PTPRG: variants seen among roughly 807,000 people sequenced by gnomAD.
PTPRG encodes the protein receptor-type tyrosine-protein phosphatase gamma.
In PTPRG, 102 loss-of-function variants were observed where a neutral mutation model predicts 165.3. The observed-to-expected ratio is 0.62, with a 90% confidence interval of 0.53 to 0.73. The LOEUF is 0.73. PTPRG is among the 30% of genes least tolerant of loss of function. The pLI is 0.00. For missense variants in PTPRG, 1,866 were observed against 1,861.4 expected, an observed-to-expected ratio of 1.00 and a Z score of -0.05; for synonymous variants, 675 against 669.5, an observed-to-expected ratio of 1.01 and a Z score of -0.13.
At chr3:61,909,627 T>C (rs1244157757) in intron 2 of PTPRG, among the ~76,000 whole-genome samples, 1 of 151,960 alleles carries the variant, frequency 6.6e-6, no homozygotes, top group Non-Finnish European at 1.5e-5. Context: ...CTCAAGCAGT[T>C]ATCTTGCCTC....
chr3:62,275,881 A>T lies in PTPRG; in HGVS notation c.3474A>T (p.Thr1158=). ...TGTTTTTTCTTTTTCAGCTGGTCAC[A>T]CAGTGTAATGCAAAATATGTGGAAT... The part of the protein sequence containing the change: ...TRLEKQFKLV[T]QCNAKYVECF... The change falls in exon 24 of 30, where the codon ACA becomes ACT. Residue 1158 remains threonine (T), a synonymous_variant. Coordinates refer to ENST00000474889, the MANE Select transcript of PTPRG (RefSeq NM_002841.4). 6.2e-7 allele frequency: 1 copy of T among 1,607,020 alleles called. No homozygotes were observed. Among genetic ancestry groups the T allele is most frequent in the African/African-American group, 1.3e-5 (1 of 74,748 alleles).
In PTPRG at chr3:61,719,713, T is replaced by C. The variant is rs76068606; in HGVS notation, c.86-29165T>C. 7.1e-3 allele frequency among the ~76,000 whole-genome samples: 1,074 copies of C among 152,318 alleles called. 17 individuals carry two copies. The highest frequency in any genetic ancestry group is 0.03 in the South Asian group (143 of 4,824). On this transcript the variant is annotated intron_variant, in intron 1 of 29. Coordinates refer to ENST00000474889, the MANE Select transcript of PTPRG (RefSeq NM_002841.4). The stretch of plus-strand genomic sequence containing the variant: ...CTGAAGTCTCTCTGAATTGAGGCCA[T>C]GTGTGGTTGGGGTTTGGAAAAGCAG...
At position 61,817,873 on chromosome 3, in the gene PTPRG, C is replaced by T. The variant is rs114085744; in HGVS notation, c.190+68891C>T. On this transcript the variant is annotated intron_variant, in intron 2 of 29. Coordinates refer to ENST00000474889, the MANE Select transcript of PTPRG (RefSeq NM_002841.4). ...CATTTTCCAAACTAATAACCTGAATCTGCCTTCTAAGGTAAAACTTGCAAG... is the reference window on the plus strand; with the variant it reads ...CATTTTCCAAACTAATAACCTGAATTTGCCTTCTAAGGTAAAACTTGCAAG... Among the ~76,000 whole-genome samples, 1,173 of 152,236 alleles carry T rather than the reference C, an allele frequency of 7.7e-3. 9 individuals carry two copies. The highest frequency in any genetic ancestry group is 0.011 in the Non-Finnish European group (772 of 68,018).
At chr3:61,956,472 T>A (rs536082137) in intron 2 of PTPRG, among the ~76,000 whole-genome samples, 1 of 152,270 alleles carries the variant, frequency 6.6e-6, no homozygotes, top group Admixed American at 6.5e-5. Flanking sequence ...AAAAAATATT[T>A]AATGTGGATC....
At chr3:62,173,852 C>T (rs1483502395) in intron 8 of PTPRG, among the ~76,000 whole-genome samples, 4 of 152,318 alleles carry the variant, frequency 2.6e-5, no homozygotes, top group East Asian at 1.9e-4. Context: ...ATAGAGAATA[C>T]AGAATCCAGC....
chr3:62,051,130 G>A (rs145774701), intron 4 of PTPRG, among the ~76,000 whole-genome samples: 1 of 152,170 alleles, frequency 6.6e-6, no homozygotes, highest in Non-Finnish European at 1.5e-5. Context: ...AGGTTTCCTG[G>A]TCTACCTCAT....
chr3:62,028,583 G>T (rs1699652051), intron 4 of PTPRG, among the ~76,000 whole-genome samples: 1 of 152,166 alleles, frequency 6.6e-6, no homozygotes, highest in African/African-American at 2.4e-5. Context: ...TTGCATGTTG[G>T]CCATCAAGGA....
At chr3:61,754,285 G>T (rs1217537295) in intron 2 of PTPRG, among the ~76,000 whole-genome samples, 2 of 152,170 alleles carry the variant, frequency 1.3e-5, no homozygotes, top group African/African-American at 4.8e-5. Flanking sequence ...AAATGGAGAT[G>T]GCTTTGAGGA....
At chr3:62,215,310 C>G (rs1700469605) in intron 12 of PTPRG, among the ~76,000 whole-genome samples, 1 of 152,224 alleles carries the variant, frequency 6.6e-6, no homozygotes, top group African/African-American at 2.4e-5. Flanking sequence ...TCAACTTTAT[C>G]ATGCCCCACA....
rs148326513 is a variant in PTPRG at position 62,047,493 on chromosome 3, C to T, written c.520-30670C>T. Reference sequence around the variant, plus strand: ...GCCAGGTTAGTGTCGATCTCCTGACCTCAGGTGATCTGCCCTCCCCAGCCT... The same window carrying T: ...GCCAGGTTAGTGTCGATCTCCTGACTTCAGGTGATCTGCCCTCCCCAGCCT... On this transcript the variant is annotated intron_variant, in intron 4 of 29. Transcript: ENST00000474889. 4.3e-4 allele frequency among the ~76,000 whole-genome samples: 65 copies of T among 151,730 alleles called. 1 individual carries two copies. The East Asian group carries it at 0.011, about 26-fold the overall frequency.
rs1701162798 is a variant in PTPRG, at chr3:61,611,381, T to G, written c.85+49009T>G. On this transcript the variant is annotated intron_variant, in intron 1 of 29. Coordinates refer to ENST00000474889, the MANE Select transcript of PTPRG (RefSeq NM_002841.4). ...CAAGCACAGTGCCTTTCTCATCATT[T>G]TAATTTTCATTTTTTTCCCACTCAA... is the stretch of plus-strand genomic sequence containing the variant. Among the ~76,000 whole-genome samples the G allele has an allele frequency of 2.0e-5, 3 of 152,208 alleles. No individual in the cohort carries two copies. In the South Asian group the frequency reaches 6.2e-4, roughly 32 times the overall value.
At chr3:62,024,558 TAAGTC>T (rs776578212) in intron 4 of PTPRG, among the ~76,000 whole-genome samples, 97 of 152,208 alleles carry the variant, frequency 6.4e-4, no homozygotes, top group Non-Finnish European at 1.2e-3. Context: ...GGAATGGAAG[TAAGTC>T]AAGTCAGAGT....
chr3:61,669,563 T>G (rs1478970617), intron 1 of PTPRG, among the ~76,000 whole-genome samples: 2 of 152,196 alleles, frequency 1.3e-5, no homozygotes, highest in Non-Finnish European at 2.9e-5. Flanking sequence ...GTTAATTGAT[T>G]TAAGTTTATG....
chr3:62,141,247 G>A (rs1247700881), intron 6 of PTPRG, among the ~76,000 whole-genome samples: 2 of 152,132 alleles, frequency 1.3e-5, no homozygotes, highest in Non-Finnish European at 2.9e-5. Context: ...GCAGTATCTA[G>A]TAAAATGAAT....
chr3:61,906,805 AGGTAGGTAGGTAGGTAGG>A (rs2038668127), intron 2 of PTPRG, among the ~76,000 whole-genome samples: 1 of 151,712 alleles, frequency 6.6e-6, no homozygotes, highest in African/African-American at 2.4e-5. Flanking sequence ...GTAGGTAGGT[AGGTAGGTAGGTAGGTAGG>A]TAGGTAGAAT....
intron 1 of PTPRG, among the ~76,000 whole-genome samples, chr3:61,673,917 T>C (rs959722737): frequency 1.3e-5 from 2 of 152,218 alleles, no homozygotes; most frequent in African/African-American, 4.8e-5. Flanking sequence ...GAAACCCTCA[T>C]TCTCAGCAAA....
intron 12 of PTPRG, among the ~76,000 whole-genome samples, chr3:62,216,540 C>T (rs977043958): frequency 6.6e-6 from 1 of 151,324 alleles, no homozygotes; most frequent in Non-Finnish European, 1.5e-5. Flanking sequence ...TTTGAGATTC[C>T]CCCCCCTCCC....
chr3:61,672,818 A>G (rs191504138), intron 1 of PTPRG, among the ~76,000 whole-genome samples: 2,016 of 144,052 alleles, frequency 0.014, 58 homozygotes, highest in African/African-American at 0.05. Flanking sequence ...AGAGGGAGAG[A>G]GAGAGGGAGA....
intron 2 of PTPRG, among the ~76,000 whole-genome samples, chr3:61,802,262 A>G (rs1412775266): frequency 6.6e-6 from 1 of 152,158 alleles, no homozygotes; most frequent in African/African-American, 2.4e-5. Context: ...AACTTTTAAA[A>G]ATCACCAGTT....
Sources: gnomAD v4.1 joint callset for allele counts (sites outside exome capture counted in the v4.1 genomes callset) on GRCh38, gnomAD v4.1.1 for gene constraint, MANE v1.5 for transcripts, NCBI Gene and HGNC (gene_info 2026-07-23, HGNC 2026-07-21) for gene names.